Variants in PLS1 observed in about 807,000 individuals in gnomAD.
The protein encoded by PLS1 is plastin 1.
Under a neutral mutation model 73.7 loss-of-function variants are expected in PLS1, and 32 were observed. The observed-to-expected ratio is 0.43, with a 90% CI of 0.33 to 0.58. The LOEUF (loss-of-function observed/expected upper bound fraction) is 0.58. Ranked by LOEUF, PLS1 falls within the 20% of genes least tolerant of loss-of-function variation. The pLI is 0.04. For missense variants in PLS1, 633 were observed against 740.5 expected (o/e 0.85, Z 1.68); for synonymous variants, 217 against 261.3 (o/e 0.83, Z 1.63).
Position 142,671,096 on chromosome 3 carries a change from G to T in PLS1, c.338G>T (p.Ser113Ile), listed in dbSNP as rs2037595475. The change falls in exon 4 of 16, where the codon AGT (serine) becomes ATT (isoleucine). Residue 113 changes from serine to isoleucine, a missense_variant. Transcript: ENST00000457734. ...TAIGGTSTISSEGTQHSYSEE... is the reference protein window; with the variant it reads ...TAIGGTSTISIEGTQHSYSEE... ...ATTGGAGGAACTTCAACTATTTCCA[G>T]TGAGGGCACACAGCATTCTTATTCA... 6.2e-7 allele frequency: 1 copy of T among 1,611,568 alleles called. No homozygotes were observed. Among genetic ancestry groups the T allele is most frequent in the Non-Finnish European group, 8.5e-7 (1 of 1,178,194 alleles).
chr3:142,655,683 T>C (rs571686374), intron 1 of PLS1, among the ~76,000 whole-genome samples: 10 of 147,644 alleles, frequency 6.8e-5, no homozygotes, highest in African/African-American at 2.3e-4. Flanking sequence ...GATCATGCCA[T>C]TGCACTCCAG....
intron 4 of PLS1, among the ~76,000 whole-genome samples, chr3:142,674,737 T>C (rs868421505): frequency 5.3e-5 from 8 of 152,294 alleles, no homozygotes; most frequent in Middle Eastern, 6.8e-3. Flanking sequence ...CTTCGTTTTT[T>C]GTTTTTTTGA....
chr3:142,641,609 T>G (rs1397986269), intron 1 of PLS1, among the ~76,000 whole-genome samples: 1 of 152,136 alleles, frequency 6.6e-6, no homozygotes, highest in Non-Finnish European at 1.5e-5. Context: ...TGATGGATTC[T>G]TACAGTTCGT....
chr3:142,602,827 C>T (rs2035952108), intron 1 of PLS1, among the ~76,000 whole-genome samples: 1 of 139,922 alleles, frequency 7.1e-6, no homozygotes, highest in Admixed American at 7.0e-5. Context: ...AAAGGCAGGG[C>T]CGCAGCTTCT....
intron 1 of PLS1, among the ~76,000 whole-genome samples, chr3:142,622,975 T>A (rs113245231): frequency 0.014 from 2,176 of 152,188 alleles, 59 homozygotes; most frequent in African/African-American, 0.049. Flanking sequence ...AGAGATAGGG[T>A]CTTGCTGTAT....
chr3:142,712,654 G>A lies in PLS1; in HGVS notation c.*647G>A, dbSNP rs1400128380. 6.6e-6 allele frequency: 1 copy of A among 152,280 alleles called. No individual in the cohort carries two copies. The highest frequency in any genetic ancestry group is 2.4e-5 in the African/African-American group (1 of 41,376). 9.4% of individuals were successfully genotyped at this position (152,280 alleles called of 1,614,324 possible). ...CTACATTGATACTTTACACATCCTA[G>A]TTTGGTAACACAGCTTTAACTATGT... On this transcript the variant is annotated 3_prime_UTR_variant, in exon 16 of 16. Coordinates refer to ENST00000457734, the MANE Select transcript of PLS1 (RefSeq NM_001145319.2).
intron 1 of PLS1, among the ~76,000 whole-genome samples, chr3:142,614,971 G>A (rs2036188960): frequency 6.6e-6 from 1 of 152,194 alleles, no homozygotes; most frequent in Non-Finnish European, 1.5e-5. Context: ...CGGGTCTCAA[G>A]GCAGGGTGTC....
At chr3:142,658,369 G>A (rs2037287307) in intron 1 of PLS1, among the ~76,000 whole-genome samples, 1 of 151,790 alleles carries the variant, frequency 6.6e-6, no homozygotes, top group Admixed American at 6.6e-5. Context: ...CCAGCTACTC[G>A]GGAGGCTGAG....
intron 10 of PLS1, among the ~76,000 whole-genome samples, chr3:142,693,499 G>A (rs1577900815): frequency 1.3e-5 from 2 of 152,312 alleles, no homozygotes; most frequent in South Asian, 4.1e-4. Context: ...GTGATGACAG[G>A]TGTAAATGTT....
In PLS1 at chr3:142,712,461, C is replaced by T. The variant is rs1299442037; in HGVS notation, c.*454C>T. On this transcript the variant is annotated 3_prime_UTR_variant, in exon 16 of 16. Coordinates refer to ENST00000457734, the MANE Select transcript of PLS1 (RefSeq NM_001145319.2). ...GCTTCCTCCAACTATTTAAAGTGGT[C>T]CAAAAACACTTTTCTGTAAGTTTCT... The T allele has an allele frequency of 6.5e-6, 1 of 154,120 alleles. No homozygotes were observed. The highest frequency in any genetic ancestry group is 1.4e-5 in the Non-Finnish European group (1 of 69,162). 9.5% of individuals were successfully genotyped at this position (154,120 alleles called of 1,614,324 possible).
chr3:142,695,684 A>T (rs1014359285), intron 11 of PLS1, among the ~76,000 whole-genome samples: 4 of 152,206 alleles, frequency 2.6e-5, no homozygotes, highest in Non-Finnish European at 4.4e-5. Flanking sequence ...TTCGAATTTT[A>T]AAAGAAAATC....
At chr3:142,601,902 G>T (rs2035934151) in intron 1 of PLS1, among the ~76,000 whole-genome samples, 1 of 152,110 alleles carries the variant, frequency 6.6e-6, no homozygotes. Context: ...ACAAGTGGCT[G>T]AGCTGAGATT....
intron 1 of PLS1, among the ~76,000 whole-genome samples, chr3:142,637,914 CT>C (rs1389303068): frequency 6.6e-6 from 1 of 151,522 alleles, no homozygotes; most frequent in Non-Finnish European, 1.5e-5. Flanking sequence ...TGGCCAAGAA[CT>C]CTTTCTCCAT....
At chr3:142,639,787 G>T (rs750482112) in intron 1 of PLS1, among the ~76,000 whole-genome samples, 5 of 152,140 alleles carry the variant, frequency 3.3e-5, no homozygotes, top group African/African-American at 4.8e-5. Context: ...GTAAGTGTTG[G>T]CTGGATGAAT....
Position 142,629,032 on chromosome 3 carries a change from C to G in PLS1, c.-37+32523C>G, listed in dbSNP as rs75336191. ...TGATCATGTGGACTTGTTCCTCACA[C>G]TTGTTTCAAGTTTGTTTCAATATGA... On this transcript the variant is annotated intron_variant, in intron 1 of 15. Transcript: ENST00000457734. Among the ~76,000 whole-genome samples the G allele has an allele frequency of 1.7e-3, 260 of 152,290 alleles. 1 individual carries two copies. The highest frequency in any genetic ancestry group is 2.7e-3 in the Non-Finnish European group (183 of 68,028).
chr3:142,653,893 G>A (rs2037159236), intron 1 of PLS1, among the ~76,000 whole-genome samples: 1 of 152,140 alleles, frequency 6.6e-6, no homozygotes, highest in Non-Finnish European at 1.5e-5. Context: ...AACCTGATAA[G>A]CACTATATTG....
intron 1 of PLS1, among the ~76,000 whole-genome samples, chr3:142,601,629 A>T (rs1214746272): frequency 6.6e-6 from 1 of 152,116 alleles, no homozygotes; most frequent in Admixed American, 6.6e-5. Flanking sequence ...TCCTGGGCTC[A>T]AGCAGTCCTC....
intron 14 of PLS1, among the ~76,000 whole-genome samples, chr3:142,710,029 C>T (rs1196277551): frequency 6.6e-6 from 1 of 152,052 alleles, no homozygotes; most frequent in Non-Finnish European, 1.5e-5. Context: ...AAAGGGTGCT[C>T]TGGCTTCAAG....
At chr3:142,706,830 C>A (rs1003761205) in intron 14 of PLS1, among the ~76,000 whole-genome samples, 4 of 151,936 alleles carry the variant, frequency 2.6e-5, no homozygotes, top group Non-Finnish European at 5.9e-5. Flanking sequence ...ATGTTTTGGG[C>A]ATGGGTAACC....
Sources: allele counts gnomAD v4.1 joint callset (sites outside exome capture counted in the v4.1 genomes callset), GRCh38; gene constraint gnomAD v4.1.1; transcripts MANE v1.5; gene names NCBI Gene and HGNC (gene_info 2026-07-23, HGNC 2026-07-21).